Variants in ATE1 observed in about 807,000 individuals in gnomAD.
The protein encoded by ATE1 is arginyl-tRNA--protein transferase 1.
ATE1 carries 36 observed loss-of-function variants against 70.5 expected under a neutral mutation model. The observed-to-expected ratio is 0.51, with a 90% CI of 0.39 to 0.67. The LOEUF (loss-of-function observed/expected upper bound fraction) is 0.67, where lower values mean the gene tolerates loss of function less well. Ranked by LOEUF, ATE1 falls within the 30% of genes least tolerant of loss-of-function variation. The pLI is 0.00. For synonymous variants in ATE1, 232 were observed against 219.3 expected (o/e 1.06, Z -0.51); for missense variants, 593 against 629.5 (o/e 0.94, Z 0.62).
At chr10:121,812,070 C>A (rs1402497115) in intron 10 of ATE1, among the ~76,000 whole-genome samples, 2 of 150,032 alleles carry the variant, frequency 1.3e-5, no homozygotes, top group Non-Finnish European at 3.0e-5. Context: ...ATCCTCCTGC[C>A]TTAGCCTCCC....
At chr10:121,849,056 CA>C (rs1166596546) in intron 8 of ATE1, among the ~76,000 whole-genome samples, 1 of 151,440 alleles carries the variant, frequency 6.6e-6, no homozygotes, top group African/African-American at 2.4e-5. Flanking sequence ...ACTAAAAATA[CA>C]AAAATTAGCC....
At chr10:121,744,439 C>T (rs984839434) in intron 11 of ATE1, among the ~76,000 whole-genome samples, 1 of 152,108 alleles carries the variant, frequency 6.6e-6, no homozygotes, top group African/African-American at 2.4e-5. Flanking sequence ...CTAATTAGAA[C>T]ACTGGCCTCC....
chr10:121,895,272 C>T (rs753582156), intron 7 of ATE1, among the ~76,000 whole-genome samples: 3 of 152,250 alleles, frequency 2.0e-5, no homozygotes, highest in East Asian at 3.9e-4. Context: ...AAAACGTGAA[C>T]GTGAAATGTT....
chr10:121,893,689 T>C (rs1950661936), intron 7 of ATE1, among the ~76,000 whole-genome samples: 1 of 152,180 alleles, frequency 6.6e-6, no homozygotes. Context: ...AAGTCAATTG[T>C]GTAAATTAAG....
intron 5 of ATE1, among the ~76,000 whole-genome samples, chr10:121,909,645 T>C (rs921963976): frequency 6.6e-6 from 1 of 152,158 alleles, no homozygotes; most frequent in African/African-American, 2.4e-5. Flanking sequence ...TGAATAACGA[T>C]TTTTTAAATT....
chr10:121,820,417 C>T (rs574278522), intron 10 of ATE1, among the ~76,000 whole-genome samples: 41 of 152,072 alleles, frequency 2.7e-4, no homozygotes, highest in Admixed American at 5.2e-4. Context: ...AATAATAAAA[C>T]GCAACTGACA....
chr10:121,828,799 T>C (rs17547618), intron 10 of ATE1, among the ~76,000 whole-genome samples: 2,231 of 150,744 alleles, frequency 0.015, 17 homozygotes, highest in African/African-American at 0.02. Context: ...GCCATTGTGA[T>C]AGCTCATTAC....
chr10:121,817,696 C>A (rs1947615392), intron 10 of ATE1, among the ~76,000 whole-genome samples: 1 of 152,028 alleles, frequency 6.6e-6, no homozygotes, highest in African/African-American at 2.4e-5. Flanking sequence ...CAAGGAGAGT[C>A]AGGCAACCTG....
intron 8 of ATE1, among the ~76,000 whole-genome samples, chr10:121,857,513 T>C (rs1476210091): frequency 1.3e-5 from 2 of 152,236 alleles, no homozygotes; most frequent in African/African-American, 4.8e-5. Flanking sequence ...CCACCTTTGA[T>C]GGGCTAGTTC....
chr10:121,881,093 T>A (rs142508023), intron 7 of ATE1, among the ~76,000 whole-genome samples: 5 of 152,326 alleles, frequency 3.3e-5, no homozygotes, highest in Non-Finnish European at 7.4e-5. Context: ...TATGACATCA[T>A]TTGAATTTTC....
chr10:121,926,756 TC>T (rs1421985544), intron 1 of ATE1: 1 of 985,338 alleles, frequency 1.0e-6, no homozygotes, highest in Non-Finnish European at 1.2e-6. Context: ...TTGGTGTACT[TC>T]CGGGCCTTCT....
chr10:121,779,476 C>T (rs769951622), intron 11 of ATE1, among the ~76,000 whole-genome samples: 4 of 152,184 alleles, frequency 2.6e-5, no homozygotes, highest in African/African-American at 7.2e-5. Context: ...TTGCCACACC[C>T]GTTTTATCTT....
intron 5 of ATE1, among the ~76,000 whole-genome samples, chr10:121,907,191 A>G (rs1014174680): frequency 6.6e-6 from 1 of 152,134 alleles, no homozygotes. Flanking sequence ...ACGGTGGCTC[A>G]TGCCTGTAAT....
At chr10:121,817,825 T>A (rs1947620440) in intron 10 of ATE1, among the ~76,000 whole-genome samples, 1 of 152,092 alleles carries the variant, frequency 6.6e-6, no homozygotes, top group Non-Finnish European at 1.5e-5. Flanking sequence ...TCAAAGCCTA[T>A]AGGGAGATTC....
chr10:121,820,489 T>A (rs1181056190), intron 10 of ATE1, among the ~76,000 whole-genome samples: 1 of 152,192 alleles, frequency 6.6e-6, no homozygotes, highest in East Asian at 1.9e-4. Context: ...CTTCATTGTG[T>A]TTTAATCATT....
At chr10:121,886,064 T>A (rs1221161576) in intron 7 of ATE1, among the ~76,000 whole-genome samples, 2 of 152,262 alleles carry the variant, frequency 1.3e-5, no homozygotes, top group East Asian at 3.9e-4. Flanking sequence ...GCATTTCCCT[T>A]GATTGTCATG....
At chr10:121,782,984 T>C (rs890103522) in intron 11 of ATE1, among the ~76,000 whole-genome samples, 5 of 152,186 alleles carry the variant, frequency 3.3e-5, no homozygotes, top group Admixed American at 1.3e-4. Flanking sequence ...ATAGTGTGAG[T>C]TAATACTTAA....
At position 121,902,606 on chromosome 10, in the gene ATE1, A is replaced by C. The variant is rs371949298; in HGVS notation, c.598T>G (p.Leu200Val). The C allele has an allele frequency of 2.0e-4, 322 of 1,610,350 alleles. No homozygotes were observed. Among genetic ancestry groups the C allele is most frequent in the Non-Finnish European group, 2.7e-4 (315 of 1,178,060 alleles). Reference protein sequence around the residue: ...TVPKPGKGADLSKPPCRKAKE... With the variant: ...TVPKPGKGADVSKPPCRKAKE... ...GCTTTTCGACATGGAGGCTTACTCA[A>C]ATCAGCCCCTTTGCCTAAAAAGAAT... Residue 200 changes from leucine (L) to valine (V), a missense_variant, in exon 6 of 12, where the codon TTG becomes GTG. By Grantham distance (32) the Leu-to-Val change is conservative. This residue lies in a region of ATE1 where 467 missense variants were observed against 469.6 expected (regional missense o/e 0.99). Transcript: ENST00000224652.
chr10:121,824,952 TA>T (rs533476524), intron 10 of ATE1, among the ~76,000 whole-genome samples: 285 of 132,804 alleles, frequency 2.1e-3, no homozygotes, highest in Non-Finnish European at 3.3e-3. Flanking sequence ...ATGTTTACAG[TA>T]AAAAAAAAAA....
Sources: gnomAD v4.1 joint callset for allele counts (sites outside exome capture counted in the v4.1 genomes callset) on GRCh38, gnomAD v4.1.1 for gene constraint, gnomAD v4.1.1 regional missense constraint, MANE v1.5 for transcripts, NCBI Gene and HGNC (gene_info 2026-07-23, HGNC 2026-07-21) for gene names.